The following FOXP1 variants were observed in gnomAD, a reference collection of about 807,000 sequenced individuals.
The protein encoded by FOXP1 is forkhead box protein P1.
FOXP1 carries 15 observed loss-of-function variants against 98.2 expected under a neutral mutation model. The observed-to-expected ratio is 0.15, with a 90% CI of 0.10 to 0.24. The LOEUF (loss-of-function observed/expected upper bound fraction) is 0.24. Among genes scored for constraint, FOXP1 ranks in the 10% least tolerant of loss-of-function variants. FOXP1 has a pLI of 1.00. For synonymous variants in FOXP1, 371 were observed against 314.5 expected (o/e 1.18, Z -1.90); for missense variants, 633 against 848.5 (o/e 0.75, Z 3.15).
chr3:71,353,141 G>C (rs2077909837), intron 4 of FOXP1, among the ~76,000 whole-genome samples: 1 of 152,146 alleles, frequency 6.6e-6, no homozygotes, highest in Admixed American at 6.6e-5. Flanking sequence ...GAGTCACCTG[G>C]CACTGAGAGA....
At chr3:71,056,060 G>A (rs978926736) in intron 7 of FOXP1, among the ~76,000 whole-genome samples, 1 of 152,138 alleles carries the variant, frequency 6.6e-6, no homozygotes, top group African/African-American at 2.4e-5. Flanking sequence ...ACTTTTGGGG[G>A]CGATGGAAAT....
intron 2 of FOXP1, among the ~76,000 whole-genome samples, chr3:71,529,194 G>A (rs2043631691): frequency 6.6e-6 from 1 of 152,180 alleles, no homozygotes; most frequent in Non-Finnish European, 1.5e-5. Flanking sequence ...GATGTGACTT[G>A]ACAAAAAGTT....
intron 5 of FOXP1, among the ~76,000 whole-genome samples, chr3:71,276,956 T>A (rs1433736352): frequency 3.0e-5 from 2 of 65,972 alleles, no homozygotes; most frequent in Non-Finnish European, 3.4e-5. Context: ...GTAGATCAAC[T>A]TTTTTTTTTT....
At chr3:71,500,860 C>G (rs1042427783) in intron 2 of FOXP1, among the ~76,000 whole-genome samples, 7 of 152,134 alleles carry the variant, frequency 4.6e-5, no homozygotes, top group African/African-American at 1.7e-4. Context: ...TGTAAGGGAA[C>G]CACCGCTTCC....
chr3:71,440,082 T>C (rs1481339219), intron 3 of FOXP1, among the ~76,000 whole-genome samples: 1 of 152,222 alleles, frequency 6.6e-6, no homozygotes, highest in African/African-American at 2.4e-5. Context: ...ATGAGGTATC[T>C]AGAGTTGTCA....
intron 6 of FOXP1, among the ~76,000 whole-genome samples, chr3:71,172,843 T>C (rs2061717251): frequency 6.6e-6 from 1 of 152,246 alleles, no homozygotes. Flanking sequence ...AGGTACCACC[T>C]TCCCCCAAAA....
chr3:71,264,769 T>C (rs777277241), intron 5 of FOXP1, among the ~76,000 whole-genome samples: 1 of 152,240 alleles, frequency 6.6e-6, no homozygotes, highest in Non-Finnish European at 1.5e-5. Flanking sequence ...CAGTCTTGTA[T>C]TGGGTACTCC....
At chr3:71,358,627 G>C (rs747033922) in intron 4 of FOXP1, among the ~76,000 whole-genome samples, 36 of 152,332 alleles carry the variant, frequency 2.4e-4, no homozygotes, top group Admixed American at 6.5e-4. Context: ...GTTTGCTCAA[G>C]GTCAGACGGA....
At chr3:71,268,437 A>G (rs1208263335) in intron 5 of FOXP1, among the ~76,000 whole-genome samples, 9 of 152,120 alleles carry the variant, frequency 5.9e-5, no homozygotes, top group Admixed American at 3.3e-4. Flanking sequence ...TTGGGGGGGT[A>G]GTGGGATATA....
At chr3:71,348,662 G>A (rs73837115) in intron 4 of FOXP1, among the ~76,000 whole-genome samples, 2,156 of 151,876 alleles carry the variant, frequency 0.014, 46 homozygotes, top group African/African-American at 0.048. Flanking sequence ...TGTGTGTGTC[G>A]AGCAGAGGAG....
intron 3 of FOXP1, among the ~76,000 whole-genome samples, chr3:71,479,896 T>C (rs935620114): frequency 2.0e-5 from 3 of 151,716 alleles, no homozygotes; most frequent in African/African-American, 7.3e-5. Flanking sequence ...CATCTGGAAA[T>C]AGAAATAAAA....
intron 5 of FOXP1, among the ~76,000 whole-genome samples, chr3:71,242,421 G>C (rs1477787821): frequency 1.3e-5 from 2 of 152,134 alleles, no homozygotes; most frequent in Non-Finnish European, 2.9e-5. Flanking sequence ...ACACACAGCT[G>C]CACTAGGGAA....
intron 17 of FOXP1, among the ~76,000 whole-genome samples, chr3:70,976,189 C>T (rs1281849693): frequency 1.3e-5 from 2 of 151,556 alleles, no homozygotes; most frequent in African/African-American, 4.9e-5. Context: ...AGCTGTTGAC[C>T]ACAGGTGCAT....
In FOXP1 at chr3:70,988,019, G is replaced by A. The variant is rs2107493881; in HGVS notation, c.1121C>T (p.Thr374Ile). ...GGGCTGAGGGGCGGCTTTGGGTTCT[G>A]TAGACTTCACATGCAGGTGGGTCAT... ...AMMTHLHVKS[T>I]EPKAAPQPLN... Residue 374 changes from threonine to isoleucine, a missense_variant, in exon 14 of 21, where the codon ACA becomes ATA. This residue lies in a region of FOXP1 where 141 missense variants were observed against 199.5 expected (regional missense o/e 0.71). Transcript: ENST00000649528. The A allele has an allele frequency of 1.2e-6, 2 of 1,614,114 alleles. No homozygotes were observed. The highest frequency in any genetic ancestry group is 1.7e-6 in the Non-Finnish European group (2 of 1,179,974).
intron 10 of FOXP1, among the ~76,000 whole-genome samples, chr3:71,042,575 C>A (rs988383913): frequency 6.6e-6 from 1 of 152,158 alleles, no homozygotes; most frequent in African/African-American, 2.4e-5. Context: ...AAAACATAAA[C>A]CCTGCACATC....
At chr3:71,440,003 C>T (rs1383641296) in intron 3 of FOXP1, among the ~76,000 whole-genome samples, 2 of 150,050 alleles carry the variant, frequency 1.3e-5, no homozygotes, top group African/African-American at 4.9e-5. Context: ...CAGGCACGTA[C>T]CTTGAGGACA....
At chr3:71,316,776 G>A (rs2107649208) in intron 4 of FOXP1, among the ~76,000 whole-genome samples, 1 of 151,614 alleles carries the variant, frequency 6.6e-6, no homozygotes, top group South Asian at 2.1e-4. Flanking sequence ...TCCTATCCCA[G>A]CCTCCTGAGT....
At position 70,977,739 on chromosome 3, in the gene FOXP1, G is replaced by A. The variant is rs1190178060; in HGVS notation, c.1349-17C>T. 1 of 1,613,164 alleles carries A rather than the reference G, an allele frequency of 6.2e-7. No homozygotes were observed. The highest frequency in any genetic ancestry group is 2.2e-5 in the East Asian group (1 of 44,876). ...CAATATCTGCTGAATAAGAATCATT[G>A]TCCTATTAATTATCACTTTTTCAAA... On this transcript the variant is annotated splice_polypyrimidine_tract_variant and intron_variant, in intron 15 of 20. Coordinates refer to ENST00000649528, the MANE Select transcript of FOXP1 (RefSeq NM_001349338.3).
At chr3:71,107,361 G>A (rs920840550) in intron 7 of FOXP1, among the ~76,000 whole-genome samples, 1 of 152,066 alleles carries the variant, frequency 6.6e-6, no homozygotes, top group Non-Finnish European at 1.5e-5. Context: ...GTTCATGTGC[G>A]TTTTTCTGGG....
Sources: gnomAD v4.1 joint callset for allele counts (sites outside exome capture counted in the v4.1 genomes callset) on GRCh38, gnomAD v4.1.1 for gene constraint, gnomAD v4.1.1 regional missense constraint, MANE v1.5 for transcripts, NCBI Gene and HGNC (gene_info 2026-07-23, HGNC 2026-07-21) for gene names.